Variants in RBFOX1 observed in about 807,000 individuals in gnomAD.
RBFOX1 encodes RNA binding fox-1 homolog 1.
RBFOX1 carries 8 observed loss-of-function variants against 57.7 expected under a neutral mutation model. That is an observed-to-expected ratio of 0.14 (90% CI 0.08 to 0.25). The LOEUF (loss-of-function observed/expected upper bound fraction) is 0.25. Among genes scored for constraint, RBFOX1 ranks in the 10% least tolerant of loss-of-function variants. The probability of loss-of-function intolerance (pLI) is 1.00; values close to 1 mark genes in which losing one functional copy is unlikely to be tolerated. For synonymous variants in RBFOX1, 326 were observed against 222.4 expected (o/e 1.47, Z -4.15); for missense variants, 611 against 548.5 (o/e 1.11, Z -1.14).
chr16:7,278,437 C>T (rs1475510258), intron 4 of RBFOX1, among the ~76,000 whole-genome samples: 1 of 152,092 alleles, frequency 6.6e-6, no homozygotes, highest in Non-Finnish European at 1.5e-5. Context: ...ATTTTGAAGG[C>T]CAACCATTTA....
chr16:6,806,836 A>ATATTT (rs754342591), intron 3 of RBFOX1, among the ~76,000 whole-genome samples: 92 of 91,876 alleles, frequency 1.0e-3, no homozygotes, highest in African/African-American at 3.4e-3. Flanking sequence ...ATATATATAT[A>ATATTT]TTTTTTTTTT....
chr16:6,712,452 C>G (rs548866484), intron 3 of RBFOX1, among the ~76,000 whole-genome samples: 1 of 152,060 alleles, frequency 6.6e-6, no homozygotes, highest in Non-Finnish European at 1.5e-5. Flanking sequence ...ACCATCCTAA[C>G]CTTTCCTCTC....
intron 4 of RBFOX1, among the ~76,000 whole-genome samples, chr16:7,076,760 G>A (rs779428239): frequency 5.9e-5 from 9 of 152,098 alleles, no homozygotes; most frequent in Non-Finnish European, 8.8e-5. Flanking sequence ...AATATGAAAT[G>A]ACCAGTTTAA....
intron 4 of RBFOX1, among the ~76,000 whole-genome samples, chr16:7,387,621 A>C (rs763699133): frequency 1.3e-5 from 2 of 152,186 alleles, no homozygotes; most frequent in African/African-American, 2.4e-5. Flanking sequence ...CAAGCATTGC[A>C]AAAGCCGCTG....
In RBFOX1 at chr16:7,313,242, A is replaced by G. The variant is rs75397733; in HGVS notation, c.28-204905A>G. 1.3e-4 allele frequency among the ~76,000 whole-genome samples: 20 copies of G among 152,274 alleles called. No homozygotes were observed. In the East Asian group the frequency reaches 3.9e-3, roughly 29 times the overall value. On this transcript the variant is annotated intron_variant, in intron 4 of 15. Transcript: ENST00000550418. ...TCAACCAAATAATCTGTATAAAACTATGCAATTTTTTGTTTGTTTGTTTGC... is the reference window on the plus strand; with the variant it reads ...TCAACCAAATAATCTGTATAAAACTGTGCAATTTTTTGTTTGTTTGTTTGC...
chr16:7,415,910 G>A (rs772882245), intron 4 of RBFOX1, among the ~76,000 whole-genome samples: 6 of 152,054 alleles, frequency 3.9e-5, no homozygotes, highest in Non-Finnish European at 7.4e-5. Flanking sequence ...GCCCAGTTAC[G>A]CTTGCTACGA....
chr16:6,394,081 C>T (rs544294916), intron 2 of RBFOX1, among the ~76,000 whole-genome samples: 1 of 152,264 alleles, frequency 6.6e-6, no homozygotes, highest in African/African-American at 2.4e-5. Context: ...ACATCCATGA[C>T]TGTGCATCTC....
At chr16:6,106,892 C>G (rs534641020) in intron 1 of RBFOX1, among the ~76,000 whole-genome samples, 2 of 152,176 alleles carry the variant, frequency 1.3e-5, no homozygotes, top group East Asian at 1.9e-4. Context: ...AGGATGGTCT[C>G]AATCTCCTGA....
chr16:6,925,354 A>C (rs1284921425), intron 3 of RBFOX1, among the ~76,000 whole-genome samples: 1 of 150,948 alleles, frequency 6.6e-6, no homozygotes, highest in Non-Finnish European at 1.5e-5. Flanking sequence ...TGAACTCCTG[A>C]CCTCAGGCGA....
intron 2 of RBFOX1, among the ~76,000 whole-genome samples, chr16:6,648,271 G>A (rs919325649): frequency 6.6e-5 from 10 of 151,756 alleles, no homozygotes; most frequent in African/African-American, 2.4e-4. Flanking sequence ...AAGGTTTCCA[G>A]GCTGGTCTTC....
chr16:7,127,151 G>A (rs1600300604), intron 4 of RBFOX1, among the ~76,000 whole-genome samples: 1 of 152,082 alleles, frequency 6.6e-6, no homozygotes, highest in South Asian at 2.1e-4. Context: ...ACCCCTGACT[G>A]TGATTATAAT....
At chr16:5,668,585 GC>G (rs2049921553) in intron 3 of RBFOX1, among the ~76,000 whole-genome samples, 2 of 152,194 alleles carry the variant, frequency 1.3e-5, no homozygotes, top group Admixed American at 1.3e-4. Context: ...TTAAACTGCA[GC>G]CTGGGAAGGC....
At chr16:6,875,090 G>C (rs1319556397) in intron 3 of RBFOX1, among the ~76,000 whole-genome samples, 2 of 152,062 alleles carry the variant, frequency 1.3e-5, no homozygotes, top group African/African-American at 2.4e-5. Context: ...TCAAAATGTA[G>C]GTTGTAATCT....
intron 4 of RBFOX1, among the ~76,000 whole-genome samples, chr16:5,940,212 T>C (rs1188011813): frequency 1.3e-5 from 2 of 152,184 alleles, no homozygotes; most frequent in African/African-American, 4.8e-5. Context: ...TGAGAAACCA[T>C]CTCTAGTTGT....
At chr16:6,685,341 T>A (rs1453241668) in intron 3 of RBFOX1, among the ~76,000 whole-genome samples, 2 of 145,442 alleles carry the variant, frequency 1.4e-5, no homozygotes, top group East Asian at 4.0e-4. Context: ...AGTGGCTGGA[T>A]CTCGGCTCAC....
At chr16:6,313,659 G>T (rs956455209) in intron 1 of RBFOX1, among the ~76,000 whole-genome samples, 5 of 152,124 alleles carry the variant, frequency 3.3e-5, no homozygotes, top group Admixed American at 6.6e-5. Context: ...GCCTGACTTT[G>T]TTCCAATGTC....
intron 3 of RBFOX1, among the ~76,000 whole-genome samples, chr16:5,683,261 C>T (rs1358492945): frequency 6.6e-6 from 1 of 152,116 alleles, no homozygotes; most frequent in African/African-American, 2.4e-5. Flanking sequence ...AGGTCTTACC[C>T]AAGAGATTCT....
intron 2 of RBFOX1, among the ~76,000 whole-genome samples, chr16:6,646,876 T>C (rs1345193018): frequency 6.6e-6 from 1 of 152,100 alleles, no homozygotes; most frequent in Admixed American, 6.6e-5. Flanking sequence ...CTTCAGCCAT[T>C]AATTTAGGAG....
At chr16:6,701,079 G>A (rs1054211776) in intron 3 of RBFOX1, among the ~76,000 whole-genome samples, 1 of 152,054 alleles carries the variant, frequency 6.6e-6, no homozygotes, top group Middle Eastern at 3.2e-3. Context: ...GAAAGCCTCA[G>A]CTGACCCATT....
Sources: gnomAD v4.1 joint callset for allele counts (sites outside exome capture counted in the v4.1 genomes callset) on GRCh38, gnomAD v4.1.1 for gene constraint, MANE v1.5 for transcripts, NCBI Gene and HGNC (gene_info 2026-07-23, HGNC 2026-07-21) for gene names.